The following COL25A1 variants were observed in gnomAD, a reference collection of about 807,000 sequenced individuals.
COL25A1 encodes the protein collagen type XXV alpha 1 chain.
Under a neutral mutation model 128.4 loss-of-function variants are expected in COL25A1, and 103 were observed. The ratio of observed to expected loss-of-function variants is 0.80; its 90% CI spans 0.68 to 0.94. The LOEUF (loss-of-function observed/expected upper bound fraction) is 0.94, where lower values mean the gene tolerates loss of function less well. Among genes scored for constraint, COL25A1 ranks in the 40% least tolerant of loss-of-function variants. The pLI is 0.00. For missense variants in COL25A1, 745 were observed against 840.0 expected, an observed-to-expected ratio of 0.89 and a Z score of 1.40; for synonymous variants, 279 against 277.2, an observed-to-expected ratio of 1.01 and a Z score of -0.06.
chr4:109,246,487 G>A (rs1227271775), intron 3 of COL25A1, among the ~76,000 whole-genome samples: 3 of 151,880 alleles, frequency 2.0e-5, no homozygotes, highest in Admixed American at 6.6e-5. Flanking sequence ...AGGAATTCTT[G>A]TTTTCTCAAA....
chr4:109,254,469 TTATA>T lies in COL25A1; in HGVS notation c.367+46110_367+46113del, dbSNP rs55997800. Among the ~76,000 whole-genome samples the T allele has an allele frequency of 4.6e-3, 273 of 59,570 alleles. 10 individuals carry two copies. The highest frequency in any genetic ancestry group is 0.029 in the Middle Eastern group (2 of 70). 39.1% of individuals were successfully genotyped at this position (59,570 alleles called of 152,430 possible). On this transcript the variant is annotated intron_variant, in intron 3 of 37. Coordinates refer to ENST00000399132, the MANE Select transcript of COL25A1 (RefSeq NM_198721.4). The stretch of plus-strand genomic sequence containing the variant: ...GTGCTATGTACATGTAGGCATATGT[TTATA>T]TATATATATATATATATATATATAT...
chr4:108,932,969 G>A (rs1365886288), intron 11 of COL25A1, among the ~76,000 whole-genome samples: 1 of 152,070 alleles, frequency 6.6e-6, no homozygotes, highest in African/African-American at 2.4e-5. Context: ...TGCAAAATCT[G>A]GGTTTTAAAA....
chr4:108,924,632 T>TA (rs1363842724), intron 11 of COL25A1, among the ~76,000 whole-genome samples: 1 of 152,222 alleles, frequency 6.6e-6, no homozygotes, highest in Non-Finnish European at 1.5e-5. Flanking sequence ...TTAGCTAACG[T>TA]AACGTTCACC....
intron 22 of COL25A1, among the ~76,000 whole-genome samples, chr4:108,861,418 T>C (rs1737207719): frequency 6.6e-6 from 1 of 152,140 alleles, no homozygotes; most frequent in African/African-American, 2.4e-5. Context: ...GAGAGCTCAT[T>C]CTAGGGAGAA....
At chr4:109,291,906 G>A (rs755196876) in intron 3 of COL25A1, among the ~76,000 whole-genome samples, 3 of 152,068 alleles carry the variant, frequency 2.0e-5, no homozygotes, top group Non-Finnish European at 4.4e-5. Flanking sequence ...TTCCTTGCTA[G>A]AATACTCTGA....
chr4:109,076,819 T>C (rs1488415735), intron 3 of COL25A1, among the ~76,000 whole-genome samples: 1 of 151,886 alleles, frequency 6.6e-6, no homozygotes, highest in African/African-American at 2.4e-5. Flanking sequence ...ACAACCTAGA[T>C]CCCTCACATG....
rs539410055 is a variant in COL25A1 at position 108,918,564 on chromosome 4, T to TA, written c.736-349dup. Among the ~76,000 whole-genome samples the TA allele has an allele frequency of 2.0e-5, 3 of 152,326 alleles. No homozygotes were observed. In the South Asian group the frequency reaches 6.2e-4, roughly 32 times the overall value. ...GTTCCATCTGGAAAAAGCCTACCAG[T>TA]AGCAGTAACACTTGCATTTCATGAG... On this transcript the variant is annotated intron_variant, in intron 12 of 37. Transcript: ENST00000399132.
intron 8 of COL25A1, among the ~76,000 whole-genome samples, chr4:108,946,087 C>T (rs1057130164): frequency 6.6e-6 from 1 of 152,134 alleles, no homozygotes; most frequent in African/African-American, 2.4e-5. Flanking sequence ...GAGCATAAAG[C>T]CTCAGACAGC....
At chr4:109,300,861 G>A (rs1470067974) in intron 2 of COL25A1, among the ~76,000 whole-genome samples, 2 of 152,152 alleles carry the variant, frequency 1.3e-5, no homozygotes, top group East Asian at 3.8e-4. Context: ...AAGATTGCTG[G>A]ACTTGTATAA....
At chr4:109,192,743 A>ACT (rs1257045246) in intron 3 of COL25A1, among the ~76,000 whole-genome samples, 1 of 152,076 alleles carries the variant, frequency 6.6e-6, no homozygotes, top group Non-Finnish European at 1.5e-5. Context: ...AGTACCAGCT[A>ACT]CTCAGAAGGC....
intron 3 of COL25A1, among the ~76,000 whole-genome samples, chr4:109,112,502 G>GAA (rs773531597): frequency 1.0e-5 from 1 of 100,036 alleles, no homozygotes; most frequent in African/African-American, 2.9e-5. Flanking sequence ...TAAAATATTA[G>GAA]AAAAAAAAAA....
At chr4:109,301,608 G>A (rs914748638) in intron 2 of COL25A1, 115 bp downstream of exon 2, 57 of 1,176,614 alleles carry the variant, frequency 4.8e-5, no homozygotes, top group East Asian at 1.6e-4. Context: ...GCACGCGCGC[G>A]CACACACACA....
At chr4:109,010,514 T>C in intron 5 of COL25A1, 139 bp from the exon 6 acceptor site, 1 of 608,294 alleles carries the variant, frequency 1.6e-6, no homozygotes, top group Non-Finnish European at 2.8e-6. Flanking sequence ...CAGATTTCAC[T>C]TGTGGCTTTA....
chr4:108,935,815 T>C (rs919836266), intron 11 of COL25A1, among the ~76,000 whole-genome samples: 4 of 152,176 alleles, frequency 2.6e-5, no homozygotes, highest in African/African-American at 9.7e-5. Flanking sequence ...AGAGCATATG[T>C]AATATGTAAG....
chr4:108,965,363 A>AG (rs1560943124), intron 8 of COL25A1, among the ~76,000 whole-genome samples: 3 of 152,158 alleles, frequency 2.0e-5, no homozygotes, highest in Non-Finnish European at 4.4e-5. Context: ...ATTTATCAGG[A>AG]CTCTGTGTTA....
chr4:108,953,568 C>T (rs1472631385), intron 8 of COL25A1, among the ~76,000 whole-genome samples: 1 of 152,086 alleles, frequency 6.6e-6, no homozygotes, highest in East Asian at 1.9e-4. Flanking sequence ...AGTGGGGAGA[C>T]TTGGCTGAAT....
chr4:109,249,782 T>C (rs1331644340), intron 3 of COL25A1, among the ~76,000 whole-genome samples: 2 of 152,218 alleles, frequency 1.3e-5, no homozygotes, highest in Non-Finnish European at 2.9e-5. Flanking sequence ...TACTTTCCTC[T>C]ATCAACAAAA....
chr4:108,960,862 C>T (rs1251184680), intron 8 of COL25A1, among the ~76,000 whole-genome samples: 2 of 152,102 alleles, frequency 1.3e-5, no homozygotes, highest in African/African-American at 4.8e-5. Context: ...TCATCAAGAA[C>T]TTCCACTGTG....
chr4:109,282,092 C>T (rs1560977194), intron 3 of COL25A1, among the ~76,000 whole-genome samples: 1 of 152,142 alleles, frequency 6.6e-6, no homozygotes, highest in East Asian at 1.9e-4. Context: ...TGATGATTTG[C>T]ACAGTTAAAT....
Sources: gnomAD v4.1 joint callset for allele counts (sites outside exome capture counted in the v4.1 genomes callset) on GRCh38, gnomAD v4.1.1 for gene constraint, MANE v1.5 for transcripts, NCBI Gene and HGNC (gene_info 2026-07-23, HGNC 2026-07-21) for gene names.